Variants in FOXP2 observed in about 807,000 individuals in gnomAD.
FOXP2 encodes the protein forkhead box P2.
In FOXP2, 12 loss-of-function variants were observed where a neutral mutation model predicts 115.8. That is an observed-to-expected ratio of 0.10 (90% confidence interval 0.07 to 0.17). The LOEUF is 0.17. Among genes scored for constraint, FOXP2 ranks in the 10% least tolerant of loss-of-function variants. The pLI, the probability that FOXP2 is intolerant of heterozygous loss-of-function variation, is 1.00. For missense variants in FOXP2, 629 were observed against 843.5 expected (o/e 0.75, Z 3.15); for synonymous variants, 328 against 297.7 (o/e 1.10, Z -1.05).
chr7:114,214,621 C>A lies in FOXP2; in HGVS notation c.-102+51533C>A, dbSNP rs529162190. ...AGACACGGTATAGGCTGATGTACCT[C>A]AGGCTGGTGTGGAGGGCCACAGAGC... On this transcript the variant is annotated intron_variant, in intron 1 of 17. Transcript: ENST00000634411. 2.6e-5 allele frequency among the ~76,000 whole-genome samples: 4 copies of A among 152,274 alleles called. No individual in the cohort carries two copies. In the East Asian group the frequency reaches 5.8e-4, roughly 22 times the overall value.
intron 7 of FOXP2, among the ~76,000 whole-genome samples, 174 bp downstream of exon 7, chr7:114,642,797 TATATATATATATA>T (rs1805625200): frequency 4.9e-5 from 2 of 40,868 alleles, no homozygotes; most frequent in African/African-American, 7.4e-5. Context: ...TATATATATA[TATATATATATATA>T]TATTTTTTTT....
chr7:114,568,295 A>T (rs1310744822), intron 3 of FOXP2, among the ~76,000 whole-genome samples: 3 of 151,842 alleles, frequency 2.0e-5, no homozygotes, highest in Non-Finnish European at 4.4e-5. Flanking sequence ...TTGGTTAGTC[A>T]GTGTTTCTGG....
At chr7:114,628,479 T>G (rs775124994) in intron 3 of FOXP2, 61 bp from the exon 4 acceptor site, 1 of 1,601,752 alleles carries the variant, frequency 6.2e-7, no homozygotes, top group Non-Finnish European at 8.5e-7. Context: ...ATTTGTGAAG[T>G]TGATTAACAG....
chr7:114,137,644 T>TG (rs1235425095), intron 1 of FOXP2, among the ~76,000 whole-genome samples: 6 of 112,494 alleles, frequency 5.3e-5, no homozygotes, highest in African/African-American at 2.4e-4. Context: ...GAAGTTTTCA[T>TG]TAAAAAAAAT....
intron 3 of FOXP2, among the ~76,000 whole-genome samples, chr7:114,556,449 G>A (rs1350134233): frequency 6.6e-6 from 1 of 151,992 alleles, no homozygotes; most frequent in African/African-American, 2.4e-5. Context: ...CATTCCTAGG[G>A]GTGATCATAA....
intron 1 of FOXP2, among the ~76,000 whole-genome samples, chr7:114,134,857 T>TA (rs1256943703): frequency 1.3e-5 from 2 of 152,232 alleles, no homozygotes; most frequent in Admixed American, 6.5e-5. Flanking sequence ...TAGCTTAACT[T>TA]ACCGTAAACA....
chr7:114,629,372 A>G (rs1804765078), intron 4 of FOXP2, among the ~76,000 whole-genome samples: 1 of 152,144 alleles, frequency 6.6e-6, no homozygotes, highest in Non-Finnish European at 1.5e-5. Flanking sequence ...ACTACAGACC[A>G]ATTACTTGTA....
intron 8 of FOXP2, among the ~76,000 whole-genome samples, chr7:114,650,436 A>C (rs7799269): frequency 0.44 from 66,275 of 151,830 alleles, 15,565 homozygotes; most frequent in Middle Eastern, 0.54. Flanking sequence ...GTGAAAAAAA[A>C]AAAAATCTTA....
chr7:114,445,073 T>G (rs1794774926), intron 2 of FOXP2, among the ~76,000 whole-genome samples: 1 of 152,110 alleles, frequency 6.6e-6, no homozygotes, highest in African/African-American at 2.4e-5. Flanking sequence ...ATTCAACTAT[T>G]TTGACTCTTT....
At chr7:114,664,610 AT>A (rs1304019852) in intron 16 of FOXP2, 174 bp downstream of exon 16, 1 of 711,844 alleles carries the variant, frequency 1.4e-6, no homozygotes, top group Non-Finnish European at 2.3e-6. Context: ...GTTTTAATAC[AT>A]TTTTTAGATG....
intron 2 of FOXP2, among the ~76,000 whole-genome samples, chr7:114,364,630 AT>A (rs1177733942): frequency 1.3e-5 from 2 of 152,170 alleles, no homozygotes; most frequent in Admixed American, 6.6e-5. Flanking sequence ...TTATAACTAT[AT>A]TTGACAAATA....
At chr7:114,273,362 G>A (rs1456390199) in intron 1 of FOXP2, among the ~76,000 whole-genome samples, 2 of 152,018 alleles carry the variant, frequency 1.3e-5, no homozygotes, top group Non-Finnish European at 2.9e-5. Context: ...GACTGTGAAT[G>A]TAGTCTATCT....
chr7:114,165,783 GA>G (rs1054316143), intron 1 of FOXP2, among the ~76,000 whole-genome samples: 2 of 152,112 alleles, frequency 1.3e-5, no homozygotes, highest in African/African-American at 2.4e-5. Flanking sequence ...AGTTTATTTG[GA>G]AAGGAAGAGG....
chr7:114,181,246 T>C (rs918481108), intron 1 of FOXP2, among the ~76,000 whole-genome samples: 9 of 148,888 alleles, frequency 6.0e-5, no homozygotes, highest in Non-Finnish European at 1.2e-4. Flanking sequence ...GGTAATTGTG[T>C]TTCTTTTAAT....
intron 3 of FOXP2, among the ~76,000 whole-genome samples, chr7:114,583,369 C>G (rs1270527099): frequency 6.6e-6 from 1 of 151,758 alleles, no homozygotes; most frequent in Non-Finnish European, 1.5e-5. Flanking sequence ...CAGAGTAAGC[C>G]TGTCTCAAAA....
intron 2 of FOXP2, among the ~76,000 whole-genome samples, chr7:114,328,596 T>G (rs1292049154): frequency 6.6e-6 from 1 of 152,214 alleles, no homozygotes; most frequent in Non-Finnish European, 1.5e-5. Flanking sequence ...ATAATAATCC[T>G]TATAATGGAT....
intron 1 of FOXP2, among the ~76,000 whole-genome samples, chr7:114,120,538 A>G (rs1171936879): frequency 1.3e-5 from 2 of 152,050 alleles, no homozygotes; most frequent in African/African-American, 2.4e-5. Context: ...AAAATGAAGG[A>G]CTTGAACTAG....
chr7:114,465,345 C>CA (rs1391640941), intron 2 of FOXP2, among the ~76,000 whole-genome samples: 1 of 152,090 alleles, frequency 6.6e-6, no homozygotes, highest in Non-Finnish European at 1.5e-5. Flanking sequence ...ACTTTTTACT[C>CA]ACTAGATTGG....
chr7:114,508,276 C>A (rs2396753), intron 2 of FOXP2, among the ~76,000 whole-genome samples: 99,236 of 151,678 alleles, frequency 0.65, 33,352 homozygotes, highest in African/African-American at 0.81. Context: ...AAAGGAGAGG[C>A]AGAGTGGGAA....
Sources: gnomAD v4.1 joint callset for allele counts (sites outside exome capture counted in the v4.1 genomes callset) on GRCh38, gnomAD v4.1.1 for gene constraint, MANE v1.5 for transcripts, NCBI Gene and HGNC (gene_info 2026-07-23, HGNC 2026-07-21) for gene names.